The following HIPK1 variants were observed in gnomAD, a reference collection of about 807,000 sequenced individuals.
The protein encoded by HIPK1 is homeodomain-interacting protein kinase 1.
In HIPK1, 28 loss-of-function variants were observed where a neutral mutation model predicts 117.1. That is an observed-to-expected ratio of 0.24 (90% CI 0.18 to 0.33). The LOEUF (loss-of-function observed/expected upper bound fraction) is 0.33, where lower values mean the gene tolerates loss of function less well. HIPK1 is among the 10% of genes least tolerant of loss of function. The probability of loss-of-function intolerance (pLI) is 1.00; values close to 1 mark genes in which losing one functional copy is unlikely to be tolerated. For synonymous variants in HIPK1, 605 were observed against 562.5 expected (o/e 1.08, Z -1.07); for missense variants, 1,122 against 1,475.1 (o/e 0.76, Z 3.92).
intron 2 of HIPK1, among the ~76,000 whole-genome samples, chr1:113,952,398 A>G (rs1454952506): frequency 6.6e-6 from 1 of 152,190 alleles, no homozygotes; most frequent in African/African-American, 2.4e-5. Context: ...TTTAATTGGC[A>G]AGACCTGACT....
intron 8 of HIPK1, among the ~76,000 whole-genome samples, chr1:113,960,300 C>T (rs746708983): frequency 1.3e-5 from 2 of 152,078 alleles, no homozygotes; most frequent in East Asian, 1.9e-4. Flanking sequence ...GGTCAGGAAC[C>T]GGGGAGAACC....
At chr1:113,969,053 A>G (rs1672650615) in intron 13 of HIPK1, among the ~76,000 whole-genome samples, 2 of 152,162 alleles carry the variant, frequency 1.3e-5, no homozygotes, top group African/African-American at 4.8e-5. Flanking sequence ...GGGCCGAAGA[A>G]AAAGGTGTTT....
Position 113,941,483 on chromosome 1 carries a change from G to T in HIPK1, c.1076+24G>T, listed in dbSNP as rs374418877. Reference sequence around the variant, plus strand: ...AGGCAAGTGGCAAATGCTGAAAATCGTATCTTAGGCTAGAGTTCTGTCCTT... The same window carrying T: ...AGGCAAGTGGCAAATGCTGAAAATCTTATCTTAGGCTAGAGTTCTGTCCTT... On this transcript the variant is annotated intron_variant, in intron 2 of 15. Transcript: ENST00000426820. The surrounding 1 kb of genome is among the most constrained non-coding windows in gnomAD (Gnocchi z 4.9). The T allele has an allele frequency of 1.3e-6, 2 of 1,572,332 alleles. No homozygotes were observed. Among genetic ancestry groups the T allele is most frequent in the Non-Finnish European group, 1.7e-6 (2 of 1,148,406 alleles).
At chr1:113,965,986 C>G (rs1394185981) in intron 10 of HIPK1, 144 bp from the exon 11 acceptor site, 1 of 751,916 alleles carries the variant, frequency 1.3e-6, no homozygotes, top group African/African-American at 1.8e-5. Flanking sequence ...TTGAGCCCCT[C>G]TGACCTTTCT....
At chr1:113,929,772 C>T in intron 1 of HIPK1, 1 of 915,254 alleles carries the variant, frequency 1.1e-6, no homozygotes, top group Non-Finnish European at 1.3e-6. Flanking sequence ...GCTGAGGAGG[C>T]TCCCCCTGCG....
At chr1:113,944,775 A>G (rs533981905) in intron 2 of HIPK1, among the ~76,000 whole-genome samples, 54 of 151,794 alleles carry the variant, frequency 3.6e-4, no homozygotes, top group African/African-American at 1.2e-3. Context: ...AGCCATTCTT[A>G]TGGGTGTGAA....
intron 1 of HIPK1, among the ~76,000 whole-genome samples, chr1:113,936,275 T>G (rs1670243342): frequency 6.6e-6 from 1 of 152,228 alleles, no homozygotes; most frequent in Non-Finnish European, 1.5e-5. Flanking sequence ...GAACTAAATT[T>G]GTCTTTATGG....
chr1:113,971,071 A>C (rs1399198838), intron 14 of HIPK1, among the ~76,000 whole-genome samples: 3 of 152,204 alleles, frequency 2.0e-5, no homozygotes. Flanking sequence ...TACTTGTATA[A>C]ATTATGTTTT....
Position 113,941,022 on chromosome 1 carries a change from G to A in HIPK1, c.639G>A (p.Lys213=). The A allele has an allele frequency of 6.2e-7, 1 of 1,614,190 alleles. No individual in the cohort carries two copies. The highest frequency in any genetic ancestry group is 8.5e-7 in the Non-Finnish European group (1 of 1,180,040). ...QVAKCWKRST[K]EIVAIKILKN... ...CTAAGTGCTGGAAGAGGAGCACCAAGGAAATTGTGGCTATTAAAATCTTGA... is the reference window on the plus strand; with the variant it reads ...CTAAGTGCTGGAAGAGGAGCACCAAAGAAATTGTGGCTATTAAAATCTTGA... Residue 213 remains lysine (K), a synonymous_variant, in exon 2 of 16, where the codon AAG becomes AAA. Transcript: ENST00000426820. This position sits in a 1 kb window ranked among gnomAD's most constrained non-coding sequence, Gnocchi z 4.9.
chr1:113,957,175 G>A lies in HIPK1; in HGVS notation c.1644G>A (p.Met548Ile), dbSNP rs749992513. The A allele has an allele frequency of 2.5e-6, 4 of 1,613,128 alleles. No individual in the cohort carries two copies. Among genetic ancestry groups the A allele is most frequent in the Non-Finnish European group, 3.4e-6 (4 of 1,179,108 alleles). ...AGATCTGCAAGCGGAGGGTTCACAT[G>A]TATGATACAGTGAGTCAGATCAAGA... ...NMEICKRRVH[M>I]YDTVSQIKSP... Residue 548 changes from methionine to isoleucine, a missense_variant, in exon 7 of 16, where the codon ATG becomes ATA. Coordinates refer to ENST00000426820, the MANE Select transcript of HIPK1 (RefSeq NM_198268.3).
In HIPK1 at chr1:113,954,765, C is replaced by T. The variant is rs748954984; in HGVS notation, c.1315C>T (p.Leu439Phe). Residue 439 changes from leucine (L) to phenylalanine (F), a missense_variant, in exon 4 of 16, where the codon CTT becomes TTT. Around this residue, in one of 6 missense-constraint regions of HIPK1, gnomAD observed 127 missense variants for 197.9 expected, o/e 0.64. Coordinates refer to ENST00000426820, the MANE Select transcript of HIPK1 (RefSeq NM_198268.3). ...TAATTTGGGGTACCCACTGTGGAGGCTTAAGGTCTGTCTTCCCTACTATGC... is the reference window on the plus strand; with the variant it reads ...TAATTTGGGGTACCCACTGTGGAGGTTTAAGGTCTGTCTTCCCTACTATGC... ...DPNLGYPLWR[L>F]KTPEEHELET... 1 of 1,613,836 alleles carries T rather than the reference C, an allele frequency of 6.2e-7. No individual in the cohort carries two copies. The highest frequency in any genetic ancestry group is 8.5e-7 in the Non-Finnish European group (1 of 1,179,786).
chr1:113,956,661 T>G lies in HIPK1; in HGVS notation c.1442T>G (p.Met481Arg). 1 of 1,614,026 alleles carries G rather than the reference T, an allele frequency of 6.2e-7. No homozygotes were observed. The highest frequency in any genetic ancestry group is 1.1e-5 in the South Asian group (1 of 91,076). Reference sequence around the variant, plus strand: ...TCTACAGACCTGGAGGGAACAGACATGTTGGCAGAGAAGGCAGACCGAAGA... The same window carrying G: ...TCTACAGACCTGGAGGGAACAGACAGGTTGGCAGAGAAGGCAGACCGAAGA... ...NMSTDLEGTD[M>R]LAEKADRREY... The change falls in exon 6 of 16, where the codon ATG becomes AGG. Residue 481 changes from methionine (M) to arginine (R), a missense_variant. This residue lies in a region of HIPK1 where 127 missense variants were observed against 197.9 expected (regional missense o/e 0.64). Transcript: ENST00000426820.
At chr1:113,972,665 A>G (rs1010274647) in intron 15 of HIPK1, among the ~76,000 whole-genome samples, 4 of 152,220 alleles carry the variant, frequency 2.6e-5, no homozygotes, top group African/African-American at 9.6e-5. Context: ...AAACAAAAGA[A>G]AGCAATGGTA....
At chr1:113,968,236 T>C (rs1672584093) in intron 12 of HIPK1, among the ~76,000 whole-genome samples, 1 of 152,216 alleles carries the variant, frequency 6.6e-6, no homozygotes, top group South Asian at 2.1e-4. Flanking sequence ...AAAAGTAAAA[T>C]GTCTTTTGTA....
chr1:113,929,925 C>T (rs1232612809), intron 1 of HIPK1: 1 of 985,732 alleles, frequency 1.0e-6, no homozygotes, highest in East Asian at 1.1e-4. Flanking sequence ...CGGCTGAGAA[C>T]CAGACACACC....
intron 2 of HIPK1, among the ~76,000 whole-genome samples, chr1:113,942,731 T>C (rs1331697583): frequency 6.6e-6 from 1 of 152,218 alleles, no homozygotes; most frequent in Non-Finnish European, 1.5e-5. Flanking sequence ...AATGCTGATA[T>C]ATACAATTTT....
At chr1:113,955,045 C>T (rs1671620718) in intron 4 of HIPK1, among the ~76,000 whole-genome samples, 1 of 152,184 alleles carries the variant, frequency 6.6e-6, no homozygotes, top group Admixed American at 6.5e-5. Flanking sequence ...AGCGATAGAA[C>T]TAGAGACATA....
Position 113,973,289 on chromosome 1 carries a change from G to T in HIPK1, c.3410G>T (p.Gly1137Val). Residue 1137 changes from glycine (G) to valine (V), a missense_variant, in exon 16 of 16, where the codon GGT becomes GTT. Physicochemically the swap from Gly to Val is moderately radical, Grantham distance 109 (BLOSUM62 -3). Around this residue, in one of 6 missense-constraint regions of HIPK1, gnomAD observed 731 missense variants for 860.4 expected, o/e 0.85. Transcript: ENST00000426820. ...SSIAHLFSPQ[G>V]SSRHAAAYTT... ...ATTGCTCATCTTTTCTCCCCACAGG[G>T]TTCCTCAAGGCATGCTGCAGCCTAT... 2 of 1,614,110 alleles carry T rather than the reference G, an allele frequency of 1.2e-6. No homozygotes were observed. Among genetic ancestry groups the T allele is most frequent in the South Asian group, 1.1e-5 (1 of 91,078 alleles).
chr1:113,950,409 T>G (rs1671271739), intron 2 of HIPK1, among the ~76,000 whole-genome samples: 1 of 152,186 alleles, frequency 6.6e-6, no homozygotes, highest in African/African-American at 2.4e-5. Flanking sequence ...CCTTATAGAT[T>G]ATAATTCCAT....
Sources: gnomAD v4.1 joint callset for allele counts (sites outside exome capture counted in the v4.1 genomes callset) on GRCh38, gnomAD v4.1.1 for gene constraint, gnomAD v4.1.1 regional missense constraint, Gnocchi (gnomAD v3.1) non-coding constraint, MANE v1.5 for transcripts, NCBI Gene and HGNC (gene_info 2026-07-23, HGNC 2026-07-21) for gene names.